SMYD1: variants seen among roughly 807,000 people sequenced by gnomAD.
The protein encoded by SMYD1 is SET and MYND domain containing 1.
In SMYD1, 49 loss-of-function variants were observed where a neutral mutation model predicts 54.0. The observed-to-expected ratio is 0.91, with a 90% CI of 0.72 to 1.15. The LOEUF is 1.15. SMYD1 is among the 50% of genes most tolerant of loss of function. The pLI, the probability that SMYD1 is intolerant of heterozygous loss-of-function variation, is 0.00. For synonymous variants in SMYD1, 269 were observed against 234.2 expected (o/e 1.15, Z -1.36); for missense variants, 653 against 639.6 (o/e 1.02, Z -0.23).
chr2:88,084,288 A>G, intron 1 of SMYD1, 28 bp from the exon 2 acceptor site: 1 of 1,544,070 alleles, frequency 6.5e-7, no homozygotes, highest in East Asian at 2.3e-5. Flanking sequence ...TGTGCTCCCA[A>G]TCATGTGTCT....
chr2:88,081,727 C>CACCCGGCCATTTG (rs1481167030), intron 1 of SMYD1, among the ~76,000 whole-genome samples: 6 of 152,270 alleles, frequency 3.9e-5, no homozygotes, highest in Middle Eastern at 3.4e-3. Context: ...TGAGCCACTG[C>CACCCGGCCATTTG]ACCCGGCCAT....
chr2:88,104,598 G>A (rs1426806997), intron 7 of SMYD1, among the ~76,000 whole-genome samples: 2 of 152,184 alleles, frequency 1.3e-5, no homozygotes, highest in South Asian at 4.1e-4. Context: ...TAAGAGGATT[G>A]TTTTCAGGAT....
At chr2:88,074,303 A>G (rs1177713559) in intron 1 of SMYD1, among the ~76,000 whole-genome samples, 1 of 152,200 alleles carries the variant, frequency 6.6e-6, no homozygotes, top group Non-Finnish European at 1.5e-5. Context: ...ATCTCCATCT[A>G]CTTGAGGCTG....
At chr2:88,089,268 T>C (rs559820953) in intron 3 of SMYD1, among the ~76,000 whole-genome samples, 6 of 152,202 alleles carry the variant, frequency 3.9e-5, no homozygotes, top group Admixed American at 6.5e-5. Flanking sequence ...TCTGCTTTAC[T>C]CAAACTCCAC....
intron 1 of SMYD1, chr2:88,082,397 G>A (rs1364707909): frequency 6.6e-6 from 1 of 152,316 alleles, no homozygotes; most frequent in Non-Finnish European, 1.5e-5. Flanking sequence ...GTGTTGAGCT[G>A]GCCAGCCAGA....
intron 1 of SMYD1, among the ~76,000 whole-genome samples, chr2:88,074,576 C>A (rs1285203561): frequency 6.6e-6 from 1 of 151,990 alleles, no homozygotes; most frequent in African/African-American, 2.4e-5. Flanking sequence ...TTCAGTCTAC[C>A]CCAACGAAAA....
intron 6 of SMYD1, among the ~76,000 whole-genome samples, chr2:88,101,203 T>G (rs1674711363): frequency 6.6e-6 from 1 of 152,218 alleles, no homozygotes; most frequent in African/African-American, 2.4e-5. Context: ...GCCCATTCTC[T>G]TGTTACTTTT....
chr2:88,106,322 T>C lies in SMYD1; in HGVS notation c.982-3T>C. The C allele has an allele frequency of 6.2e-7, 1 of 1,614,064 alleles. No homozygotes were observed. Reference sequence around the variant, plus strand: ...AATGGGCAGGGCCTCTGTCTCACTCTAGGTTGTGAAATTATGCCGGGAGTG... The same window carrying C: ...AATGGGCAGGGCCTCTGTCTCACTCCAGGTTGTGAAATTATGCCGGGAGTG... On this transcript the variant is annotated splice_region_variant and splice_polypyrimidine_tract_variant and intron_variant, in intron 7 of 9. Transcript: ENST00000419482.
Position 88,084,169 on chromosome 2 carries a change from ACTC to A in SMYD1, c.138-143_138-141del, listed in dbSNP as rs1674264453. 15 of 621,162 alleles carry A rather than the reference ACTC, an allele frequency of 2.4e-5. No individual in the cohort carries two copies. The South Asian group carries it at 5.2e-4, about 22-fold the overall frequency. The allele number at this position is 621,162 out of a possible 1,614,324, so 38.5% of individuals were successfully genotyped here. A position where few individuals can be genotyped will look rare whatever the true frequency, so the allele number is the denominator to read the frequency against. On this transcript the variant is annotated intron_variant, in intron 1 of 9. Coordinates refer to ENST00000419482, the MANE Select transcript of SMYD1 (RefSeq NM_198274.4). The stretch of plus-strand genomic sequence containing the variant: ...CTGGGAAGGGCCTTTGGAGGCTCAA[ACTC>A]CTCATTTTGGAAGGTGGAAATCTGA...
intron 1 of SMYD1, among the ~76,000 whole-genome samples, chr2:88,071,308 A>G (rs1457438034): frequency 6.6e-6 from 1 of 152,230 alleles, no homozygotes; most frequent in Non-Finnish European, 1.5e-5. Flanking sequence ...TTAAAATATA[A>G]TGCCATACTG....
rs762612149 is a variant in SMYD1 at position 88,067,903 on chromosome 2, C to G, written c.39C>G (p.Thr13=). ...IGRMENVEVF[T]AEGKGRGLKA... The stretch of plus-strand genomic sequence containing the variant: ...GAATGGAGAACGTGGAGGTCTTCAC[C>G]GCTGAGGGCAAAGGAAGGGGTCTGA... Residue 13 remains threonine, a synonymous_variant, in exon 1 of 10, where the codon ACC becomes ACG. Coordinates refer to ENST00000419482, the MANE Select transcript of SMYD1 (RefSeq NM_198274.4). 2 of 1,613,984 alleles carry G rather than the reference C, an allele frequency of 1.2e-6. No individual in the cohort carries two copies. The highest frequency in any genetic ancestry group is 1.7e-6 in the Non-Finnish European group (2 of 1,180,012).
chr2:88,094,125 A>AAAT (rs1315911398), intron 5 of SMYD1, among the ~76,000 whole-genome samples: 2 of 152,124 alleles, frequency 1.3e-5, no homozygotes, highest in African/African-American at 4.8e-5. Flanking sequence ...ACAGCTCTTG[A>AAAT]AATAGTCTTT....
At chr2:88,105,099 G>A (rs947359602) in intron 7 of SMYD1, among the ~76,000 whole-genome samples, 2 of 152,138 alleles carry the variant, frequency 1.3e-5, no homozygotes. Context: ...AATTGGTCTG[G>A]GGTAGGACTT....
chr2:88,082,849 A>G (rs892278228), intron 1 of SMYD1, among the ~76,000 whole-genome samples: 1 of 152,198 alleles, frequency 6.6e-6, no homozygotes, highest in African/African-American at 2.4e-5. Flanking sequence ...AGGCCAAATT[A>G]GGGTACAGGA....
chr2:88,079,473 CTAAG>C (rs569442264), intron 1 of SMYD1, among the ~76,000 whole-genome samples: 108 of 152,258 alleles, frequency 7.1e-4, no homozygotes, highest in African/African-American at 2.5e-3. Flanking sequence ...GCAGCGTGGA[CTAAG>C]TAAGGACAGG....
intron 1 of SMYD1, among the ~76,000 whole-genome samples, chr2:88,073,687 C>G (rs1184455690): frequency 6.6e-6 from 1 of 152,166 alleles, no homozygotes; most frequent in Non-Finnish European, 1.5e-5. Flanking sequence ...CAAAGGAGAT[C>G]ATACATTTTT....
At chr2:88,089,760 C>CT (rs908674458) in intron 3 of SMYD1, among the ~76,000 whole-genome samples, 2,710 of 142,836 alleles carry the variant, frequency 0.019, 86 homozygotes, top group East Asian at 0.079. Flanking sequence ...TTAATTTTTG[C>CT]TTTTTTTTTT....
chr2:88,110,831 A>G lies in SMYD1; in HGVS notation c.*319A>G. 3.9e-6 allele frequency: 1 copy of G among 258,438 alleles called. No homozygotes were observed. Among genetic ancestry groups the G allele is most frequent in the Non-Finnish European group, 7.3e-6 (1 of 137,262 alleles). 16.0% of individuals were successfully genotyped at this position (258,438 alleles called of 1,614,324 possible). On this transcript the variant is annotated 3_prime_UTR_variant, in exon 10 of 10. Coordinates refer to ENST00000419482, the MANE Select transcript of SMYD1 (RefSeq NM_198274.4). ...AGAGAAACATTTAAAGCACACTGTAATAATAAATGCAATTATAAACTATAT... is the reference window on the plus strand; with the variant it reads ...AGAGAAACATTTAAAGCACACTGTAGTAATAAATGCAATTATAAACTATAT...
At chr2:88,104,377 G>A (rs1308650458) in intron 7 of SMYD1, among the ~76,000 whole-genome samples, 1 of 152,150 alleles carries the variant, frequency 6.6e-6, no homozygotes, top group Non-Finnish European at 1.5e-5. Flanking sequence ...TCCTTGCCTG[G>A]AAGGAGTTCT....
Sources: gnomAD v4.1 joint callset for allele counts (sites outside exome capture counted in the v4.1 genomes callset) on GRCh38, gnomAD v4.1.1 for gene constraint, MANE v1.5 for transcripts, NCBI Gene and HGNC (gene_info 2026-07-23, HGNC 2026-07-21) for gene names.